ALKBH3: variants seen among roughly 807,000 people sequenced by gnomAD.
ALKBH3 encodes alpha-ketoglutarate-dependent dioxygenase alkB homolog 3.
A neutral mutation model predicts 43.9 loss-of-function variants in ALKBH3; 51 were observed. That is an observed-to-expected ratio of 1.16 (90% CI 0.93 to 1.47). The LOEUF (loss-of-function observed/expected upper bound fraction) is 1.47. ALKBH3 is among the 40% of genes most tolerant of loss of function. ALKBH3 has a pLI of 0.00. For synonymous variants in ALKBH3, 102 were observed against 115.2 expected (o/e 0.89, Z 0.73); for missense variants, 361 against 351.9 (o/e 1.03, Z -0.21).
At position 43,891,695 on chromosome 11, in the gene ALKBH3, C is replaced by T. The variant is rs147142024; in HGVS notation, c.371-346C>T. Among the ~76,000 whole-genome samples the T allele has an allele frequency of 7.9e-5, 12 of 152,320 alleles. No individual in the cohort carries two copies. In the East Asian group the frequency reaches 2.3e-3, roughly 29 times the overall value. On this transcript the variant is annotated intron_variant, in intron 6 of 9. Transcript: ENST00000302708. ...CCACAAATTTCTGCAGACAGGGGTT[C>T]AGTCTCCATATTCTGCTTTTTGAGA...
At chr11:43,899,303 G>A in intron 7 of ALKBH3, 1 of 701,686 alleles carries the variant, frequency 1.4e-6, no homozygotes, top group East Asian at 2.7e-5. Flanking sequence ...CACGTGGCCG[G>A]GCCTCTGCAT....
intron 7 of ALKBH3, chr11:43,898,273 C>T (rs1951834310): frequency 2.6e-6 from 2 of 760,360 alleles, no homozygotes; most frequent in African/African-American, 3.4e-5. Flanking sequence ...GCATATTCTT[C>T]AGTTCCTATG....
chr11:43,918,235 G>A (rs758753585), intron 8 of ALKBH3, among the ~76,000 whole-genome samples: 2 of 152,204 alleles, frequency 1.3e-5, no homozygotes, highest in Non-Finnish European at 2.9e-5. Flanking sequence ...CAGCTGTGGA[G>A]GAGCCACACT....
At chr11:43,905,007 C>G (rs1951886348) in intron 8 of ALKBH3, among the ~76,000 whole-genome samples, 1 of 152,094 alleles carries the variant, frequency 6.6e-6, no homozygotes, top group South Asian at 2.1e-4. Context: ...TTTGACCCAT[C>G]GGAGGAGAAG....
intron 5 of ALKBH3, among the ~76,000 whole-genome samples, chr11:43,888,964 G>C (rs188468783): frequency 6.6e-6 from 1 of 152,350 alleles, no homozygotes; most frequent in Admixed American, 6.5e-5. Flanking sequence ...CCTAGAATTA[G>C]CATAGTCTCA....
At chr11:43,910,495 A>C (rs1362375577) in intron 8 of ALKBH3, 1 of 152,242 alleles carries the variant, frequency 6.6e-6, no homozygotes, top group East Asian at 1.9e-4. Context: ...ACTTAATAAC[A>C]GCACATGTGG....
intron 7 of ALKBH3, chr11:43,898,093 C>T: frequency 1.9e-6 from 2 of 1,047,302 alleles, no homozygotes; most frequent in Admixed American, 1.7e-5. Flanking sequence ...TGGCGATGCC[C>T]TCAGCAGCCC....
chr11:43,884,285 A>G (rs1355568993), intron 4 of ALKBH3, among the ~76,000 whole-genome samples: 1 of 152,080 alleles, frequency 6.6e-6, no homozygotes, highest in East Asian at 1.9e-4. Flanking sequence ...CGATATCTGT[A>G]GACAGTAAGC....
chr11:43,888,303 A>G (rs61883982), intron 5 of ALKBH3, among the ~76,000 whole-genome samples: 1 of 27,350 alleles, frequency 3.7e-5, no homozygotes, highest in Non-Finnish European at 1.2e-4. Context: ...GGGTTTCGCC[A>G]TGTTGCCCAG....
intron 8 of ALKBH3, among the ~76,000 whole-genome samples, chr11:43,903,498 G>A (rs962890071): frequency 1.3e-5 from 2 of 152,174 alleles, no homozygotes; most frequent in Non-Finnish European, 2.9e-5. Context: ...TGAGACCGGG[G>A]GCCGTAGCAG....
chr11:43,887,121 C>A (rs895451046), intron 5 of ALKBH3, among the ~76,000 whole-genome samples: 1 of 152,134 alleles, frequency 6.6e-6, no homozygotes, highest in Non-Finnish European at 1.5e-5. Context: ...AAAGTCTACT[C>A]CCTTATTTCA....
chr11:43,888,265 A>G lies in ALKBH3; in HGVS notation c.267-1460A>G, dbSNP rs1408823391. Among the ~76,000 whole-genome samples the G allele has an allele frequency of 2.4e-5, 2 of 83,590 alleles. 1 individual carries two copies. The highest frequency in any genetic ancestry group is 5.9e-5 in the Non-Finnish European group (2 of 34,016). 54.8% of individuals were successfully genotyped at this position (83,590 alleles called of 152,430 possible). On this transcript the variant is annotated intron_variant, in intron 5 of 9. Transcript: ENST00000302708. ...CGCCACCACACCTGGCTAATTTTGT[A>G]TTTTTGTTTGTTTGTTTGTTAGTGA...
intron 8 of ALKBH3, among the ~76,000 whole-genome samples, chr11:43,913,107 A>T (rs904310870): frequency 5.5e-5 from 7 of 127,704 alleles, no homozygotes; most frequent in African/African-American, 2.1e-4. Context: ...TCCAGTTGTT[A>T]AAAAAAAAAA....
chr11:43,890,898 A>G (rs1439186828), intron 6 of ALKBH3, among the ~76,000 whole-genome samples: 1 of 152,218 alleles, frequency 6.6e-6, no homozygotes, highest in Non-Finnish European at 1.5e-5. Context: ...GTATGTGCAT[A>G]TAACCTATGC....
chr11:43,906,872 C>CT (rs1951899600), intron 8 of ALKBH3, among the ~76,000 whole-genome samples: 1 of 152,028 alleles, frequency 6.6e-6, no homozygotes, highest in Admixed American at 6.5e-5. Context: ...GTACTTATTC[C>CT]TTTTTTGTAA....
intron 8 of ALKBH3, among the ~76,000 whole-genome samples, chr11:43,908,306 G>A (rs2135198844): frequency 6.6e-6 from 1 of 152,336 alleles, no homozygotes; most frequent in South Asian, 2.1e-4. Flanking sequence ...GGACACAGTG[G>A]AAGGGTGCAG....
At chr11:43,912,596 C>T (rs145326412) in intron 8 of ALKBH3, 1 of 152,124 alleles carries the variant, frequency 6.6e-6, no homozygotes, top group South Asian at 2.1e-4. Context: ...CTATTTTGCT[C>T]ATCTAAGGAA....
At chr11:43,887,657 A>G (rs956937578) in intron 5 of ALKBH3, among the ~76,000 whole-genome samples, 12 of 152,060 alleles carry the variant, frequency 7.9e-5, no homozygotes, top group Admixed American at 6.5e-4. Context: ...TGACATTAGA[A>G]TTGCGCCTAG....
intron 3 of ALKBH3, among the ~76,000 whole-genome samples, 186 bp from the exon 4 acceptor site, chr11:43,883,797 T>C (rs1951730093): frequency 6.6e-6 from 1 of 152,240 alleles, no homozygotes; most frequent in African/African-American, 2.4e-5. Context: ...TTTTACTGTC[T>C]ACTAGCAAAT....
Sources: allele counts gnomAD v4.1 joint callset (sites outside exome capture counted in the v4.1 genomes callset), GRCh38; gene constraint gnomAD v4.1.1; transcripts MANE v1.5; gene names NCBI Gene and HGNC (gene_info 2026-07-23, HGNC 2026-07-21).